Variants in INSR observed in about 807,000 individuals in gnomAD.
INSR encodes the protein insulin receptor.
A neutral mutation model predicts 142.6 loss-of-function variants in INSR; 67 were observed. The observed-to-expected ratio is 0.47, with a 90% CI of 0.39 to 0.58. The LOEUF (loss-of-function observed/expected upper bound fraction) is 0.58. INSR is among the 20% of genes least tolerant of loss of function. The pLI, the probability that INSR is intolerant of heterozygous loss-of-function variation, is 0.00. For synonymous variants in INSR, 756 were observed against 743.1 expected, an observed-to-expected ratio of 1.02 and a Z score of -0.28; for missense variants, 1,248 against 1,833.2, an observed-to-expected ratio of 0.68 and a Z score of 5.83.
chr19:7,234,785 C>T (rs1027845456), intron 2 of INSR, among the ~76,000 whole-genome samples: 8 of 152,182 alleles, frequency 5.3e-5, no homozygotes, highest in African/African-American at 1.7e-4. Flanking sequence ...CTGGGCCCGG[C>T]GCAGTGGCTC....
At chr19:7,263,525 CCAGTACTGGAAAAACAAG>C (rs1977129610) in intron 2 of INSR, among the ~76,000 whole-genome samples, 1 of 152,122 alleles carries the variant, frequency 6.6e-6, no homozygotes, top group Non-Finnish European at 1.5e-5. Flanking sequence ...AACAAAACCC[CCAGTACTGGAAAAACAAG>C]CCCGGTTCTT....
At chr19:7,138,003 G>A (rs1395999584) in intron 13 of INSR, among the ~76,000 whole-genome samples, 91 of 137,430 alleles carry the variant, frequency 6.6e-4, no homozygotes, top group East Asian at 2.2e-4. Flanking sequence ...TCACTCTGTC[G>A]CCCAGGCTGG....
At position 7,159,202 on chromosome 19, in the gene INSR, G is replaced by C. The variant is rs1001747969; in HGVS notation, c.2029+3830C>G. 6.6e-6 allele frequency among the ~76,000 whole-genome samples: 1 copy of C among 152,160 alleles called. No individual in the cohort carries two copies. The highest frequency in any genetic ancestry group is 1.5e-5 in the Non-Finnish European group (1 of 68,032). On this transcript the variant is annotated intron_variant, in intron 9 of 21. Coordinates refer to ENST00000302850, the MANE Select transcript of INSR (RefSeq NM_000208.4). The surrounding 1 kb of genome is among the most constrained non-coding windows in gnomAD (Gnocchi z 4.3). Reference sequence around the variant, plus strand: ...TTACAGGCGTGAGCCACTGTGCCCGGTAAATCTCAACCATTTTAAGTGTGC... The same window carrying C: ...TTACAGGCGTGAGCCACTGTGCCCGCTAAATCTCAACCATTTTAAGTGTGC...
intron 1 of INSR, 58 bp downstream of exon 1, chr19:7,293,734 G>A: frequency 7.9e-7 from 1 of 1,271,158 alleles, no homozygotes; most frequent in African/African-American, 1.6e-5. Context: ...TTTTGGCTTG[G>A]GTGGGGTCCT....
In INSR at chr19:7,267,793, C is replaced by T. The variant is rs1967785655; in HGVS notation, c.204G>A (p.Thr68=). The change falls in exon 2 of 22, where the codon ACG becomes ACA. Residue 68 remains threonine, a synonymous_variant. Coordinates refer to ENST00000302850, the MANE Select transcript of INSR (RefSeq NM_000208.4). The surrounding 1 kb of genome is among the most constrained non-coding windows in gnomAD (Gnocchi z 6.3). ...TGAGGTCTCGGAAATCTTCGGGCCT[C>T]GTTTTGAACATCAAGAGTATCTGCA... is the stretch of plus-strand genomic sequence containing the variant. ...GHLQILLMFK[T]RPEDFRDLSF... 6.2e-7 allele frequency: 1 copy of T among 1,614,090 alleles called. No individual in the cohort carries two copies. Among genetic ancestry groups the T allele is most frequent in the South Asian group, 1.1e-5 (1 of 91,080 alleles).
At chr19:7,276,032 G>A (rs1968054401) in intron 1 of INSR, among the ~76,000 whole-genome samples, 1 of 151,800 alleles carries the variant, frequency 6.6e-6, no homozygotes, top group Non-Finnish European at 1.5e-5. Context: ...AACAGCAGGG[G>A]AGATGGGTTG....
At chr19:7,136,000 A>T (rs1972915401) in intron 13 of INSR, among the ~76,000 whole-genome samples, 1 of 151,670 alleles carries the variant, frequency 6.6e-6, no homozygotes, top group South Asian at 2.1e-4. Context: ...AAGAAATGCC[A>T]AACTCTTTCC....
rs543563805 is a variant in INSR at position 7,291,950 on chromosome 19, G to A, written c.100+1842C>T. 4.1e-5 allele frequency among the ~76,000 whole-genome samples: 6 copies of A among 146,572 alleles called. No homozygotes were observed. In the South Asian group the frequency reaches 1.3e-3, roughly 32 times the overall value. On this transcript the variant is annotated intron_variant, in intron 1 of 21. Transcript: ENST00000302850. ...TGGGACTACAGGCGCCCGCCACCAC[G>A]CCCGGCTAATTTTTTCTATTTTTCA...
intron 2 of INSR, among the ~76,000 whole-genome samples, chr19:7,187,689 C>T (rs542274816): frequency 9.8e-4 from 149 of 152,130 alleles, no homozygotes; most frequent in African/African-American, 3.2e-3. Context: ...CCTCCCACCT[C>T]GGCCTCTTGG....
chr19:7,282,421 AC>A (rs754542581), intron 1 of INSR, among the ~76,000 whole-genome samples: 2 of 151,898 alleles, frequency 1.3e-5, no homozygotes, highest in Non-Finnish European at 2.9e-5. Flanking sequence ...GGTGGCTCAC[AC>A]CAGTAATCCC....
chr19:7,218,495 T>C (rs1975503882), intron 2 of INSR, among the ~76,000 whole-genome samples: 1 of 152,172 alleles, frequency 6.6e-6, no homozygotes, highest in Non-Finnish European at 1.5e-5. Flanking sequence ...TTTTTTGTTT[T>C]GTTGGTTTTT....
chr19:7,258,526 C>T (rs550400638), intron 2 of INSR, among the ~76,000 whole-genome samples: 19 of 149,794 alleles, frequency 1.3e-4, no homozygotes, highest in Non-Finnish European at 2.4e-4. Context: ...AAAGGCCTTA[C>T]GTCAGACAAG....
At chr19:7,130,471 C>T (rs1187604924) in intron 14 of INSR, among the ~76,000 whole-genome samples, 2 of 152,246 alleles carry the variant, frequency 1.3e-5, no homozygotes, top group East Asian at 1.9e-4. Flanking sequence ...GAGGAGTGGC[C>T]GGGTGGGAGG....
chr19:7,252,150 C>T (rs1006484703), intron 2 of INSR, among the ~76,000 whole-genome samples: 2 of 152,118 alleles, frequency 1.3e-5, no homozygotes, highest in African/African-American at 4.8e-5. Context: ...TGGCGCACGC[C>T]TGTAATCCCA....
chr19:7,254,444 G>A (rs1311542301), intron 2 of INSR, among the ~76,000 whole-genome samples: 1 of 152,036 alleles, frequency 6.6e-6, no homozygotes, highest in Non-Finnish European at 1.5e-5. Context: ...CTGGAGGATT[G>A]CTTGAGCCCA....
chr19:7,255,357 G>A (rs999451609), intron 2 of INSR, among the ~76,000 whole-genome samples: 4 of 151,980 alleles, frequency 2.6e-5, no homozygotes, highest in East Asian at 1.9e-4. Context: ...CCTTCATGAC[G>A]GCATTGGAGC....
rs749713053 is a variant in INSR, at chr19:7,267,590, A to C, written c.407T>G (p.Leu136Arg). Residue 136 changes from leucine to arginine, a missense_variant, in exon 2 of 22, where the codon CTG becomes CGG. Coordinates refer to ENST00000302850, the MANE Select transcript of INSR (RefSeq NM_000208.4). The surrounding 1 kb of genome is among the most constrained non-coding windows in gnomAD (Gnocchi z 6.3). ...GACAGAACCCCGGGTGATGTTCATC[A>C]GGTTGTAGAGGCCGAGTTCCTTGAG... ...VHLKELGLYN[L>R]MNITRGSVRI... is the part of the protein sequence containing the mutation. 1 of 1,614,130 alleles carries C rather than the reference A, an allele frequency of 6.2e-7. No individual in the cohort carries two copies. Among genetic ancestry groups the C allele is most frequent in the Non-Finnish European group, 8.5e-7 (1 of 1,180,030 alleles).
In INSR at chr19:7,184,640, G is replaced by GGAGAGAGAGAGA. The variant is rs3835070; in HGVS notation, c.653-15_653-4dup. ...TGACTTACAGATGGTCGGGCAAACTGGAGAGAGAGAGAGAGAGAGAGGGAA... is the reference window on the plus strand; with the variant it reads ...TGACTTACAGATGGTCGGGCAAACTGGAGAGAGAGAGAGAGAGAGAGAGAGAGAGAGAGGGAA... On this transcript the variant is annotated splice_region_variant and splice_polypyrimidine_tract_variant and intron_variant, in intron 2 of 21. Coordinates refer to ENST00000302850, the MANE Select transcript of INSR (RefSeq NM_000208.4). 5.8e-5 allele frequency: 80 copies of GGAGAGAGAGAGA among 1,376,300 alleles called. 1 individual carries two copies. In the African/African-American group the frequency reaches 1.2e-3, roughly 20 times the overall value. 85.3% of individuals were successfully genotyped at this position (1,376,300 alleles called of 1,614,324 possible).
intron 1 of INSR, among the ~76,000 whole-genome samples, chr19:7,274,674 G>C (rs1020948302): frequency 6.6e-6 from 1 of 151,540 alleles, no homozygotes; most frequent in South Asian, 2.1e-4. Flanking sequence ...ATGGTGGCAG[G>C]TGCCTGTAGT....
Sources: allele counts gnomAD v4.1 joint callset (sites outside exome capture counted in the v4.1 genomes callset), GRCh38; gene constraint gnomAD v4.1.1; non-coding constraint Gnocchi (gnomAD v3.1); transcripts MANE v1.5; gene names NCBI Gene and HGNC (gene_info 2026-07-23, HGNC 2026-07-21).